The following LNX2 variants were observed in gnomAD, a reference collection of about 807,000 sequenced individuals.
LNX2 encodes the protein ligand of Numb protein X 2.
Under a neutral mutation model 66.2 loss-of-function variants are expected in LNX2, and 35 were observed. The ratio of observed to expected loss-of-function variants is 0.53; its 90% CI spans 0.40 to 0.70. The LOEUF (loss-of-function observed/expected upper bound fraction) is 0.70, where lower values mean the gene tolerates loss of function less well. LNX2 is among the 30% of genes least tolerant of loss of function. The pLI is 0.00. For synonymous variants in LNX2, 337 were observed against 315.6 expected (o/e 1.07, Z -0.72); for missense variants, 791 against 850.8 (o/e 0.93, Z 0.87).
intron 4 of LNX2, among the ~76,000 whole-genome samples, chr13:27,567,069 G>A (rs975115072): frequency 1.3e-5 from 2 of 152,026 alleles, no homozygotes; most frequent in African/African-American, 2.4e-5. Context: ...GGAGCGAAGG[G>A]GATTATTGAA....
Position 27,567,785 on chromosome 13 carries a change from T to C in LNX2, c.710A>G (p.His237Arg). ...TAACTGAATGTAAGGATTGGACCGA[T>C]GAATTTCAATCGTGGTGATTTCTCC... ...PEGEITTIEI[H>R]RSNPYIQLGI... Residue 237 changes from histidine to arginine, a missense_variant, in exon 4 of 10, where the codon CAT becomes CGT. His to Arg is a conservative substitution (Grantham distance 29). Coordinates refer to ENST00000316334, the MANE Select transcript of LNX2 (RefSeq NM_153371.4). 1.8e-5 allele frequency: 29 copies of C among 1,614,110 alleles called. No individual in the cohort carries two copies. The highest frequency in any genetic ancestry group is 2.4e-5 in the Non-Finnish European group (28 of 1,179,986).
At chr13:27,576,569 A>C (rs1955342429) in intron 2 of LNX2, among the ~76,000 whole-genome samples, 1 of 151,622 alleles carries the variant, frequency 6.6e-6, no homozygotes, top group African/African-American at 2.4e-5. Context: ...GCACAAAAAA[A>C]AAAAAAATTA....
chr13:27,557,313 A>C (rs935620514), intron 6 of LNX2, among the ~76,000 whole-genome samples: 3 of 152,068 alleles, frequency 2.0e-5, no homozygotes, highest in African/African-American at 7.2e-5. Context: ...GAGGTCATGT[A>C]ACTTGTCCTG....
At chr13:27,613,514 G>A (rs996550208) in intron 1 of LNX2, among the ~76,000 whole-genome samples, 1 of 152,222 alleles carries the variant, frequency 6.6e-6, no homozygotes, top group African/African-American at 2.4e-5. Flanking sequence ...GCTCATGCCT[G>A]TAATCCCAGC....
rs1334230572 is a variant in LNX2, at chr13:27,586,074, ATATATC to A, written c.-100-4277_-100-4272del. 6.7e-5 allele frequency among the ~76,000 whole-genome samples: 10 copies of A among 148,990 alleles called. No homozygotes were observed. In the Middle Eastern group the frequency reaches 0.011, roughly 160 times the overall value. ...TATACTTATATATATAAGGCAGTAC[ATATATC>A]TATATCTATATAATATCTAAGTTCA... On this transcript the variant is annotated intron_variant, in intron 1 of 9. Coordinates refer to ENST00000316334, the MANE Select transcript of LNX2 (RefSeq NM_153371.4).
chr13:27,570,964 G>A (rs1955272313), intron 2 of LNX2, among the ~76,000 whole-genome samples: 1 of 152,142 alleles, frequency 6.6e-6, no homozygotes, highest in African/African-American at 2.4e-5. Flanking sequence ...CTTTTAAAAG[G>A]AAAAGCTAAA....
chr13:27,593,775 A>G (rs1456143505), intron 1 of LNX2, among the ~76,000 whole-genome samples: 37 of 129,918 alleles, frequency 2.8e-4, no homozygotes, highest in Admixed American at 1.6e-3. Context: ...TTTTTTTTTT[A>G]AGTAGGGACA....
Position 27,581,314 on chromosome 13 carries a change from C to T in LNX2, c.390G>A (p.Glu130=). The T allele has an allele frequency of 1.3e-6, 2 of 1,483,476 alleles. No homozygotes were observed. The highest frequency in any genetic ancestry group is 1.8e-6 in the Non-Finnish European group (2 of 1,114,260). 91.9% of individuals were successfully genotyped at this position (1,483,476 alleles called of 1,614,324 possible). Residue 130 remains glutamate (E), a synonymous_variant, in exon 2 of 10, where the codon GAG becomes GAA. Transcript: ENST00000316334. ...TTGCTTACCTGTTTTTGAGATGTGCCTCCAGATCACAACGTTGCATTACAT... is the reference window on the plus strand; with the variant it reads ...TTGCTTACCTGTTTTTGAGATGTGCTTCCAGATCACAACGTTGCATTACAT... ...CKDVMQRCDL[E]AHLKNRCPGA...
Position 27,562,651 on chromosome 13 carries a change from T to C in LNX2, c.986A>G (p.Asp329Gly). The C allele has an allele frequency of 6.2e-7, 1 of 1,614,136 alleles. No individual in the cohort carries two copies. Among genetic ancestry groups the C allele is most frequent in the Non-Finnish European group, 8.5e-7 (1 of 1,180,020 alleles). ...RFGNRAHNHS[D>G]SNSPREEIFQ... ...AATCTCTTCTCGTGGAGAGTTACTATCAGAATGGTTGTGTGCTCGGTTGCC... is the reference window on the plus strand; with the variant it reads ...AATCTCTTCTCGTGGAGAGTTACTACCAGAATGGTTGTGTGCTCGGTTGCC... The change falls in exon 5 of 10, where the codon GAT becomes GGT. Residue 329 changes from aspartate (D) to glycine (G), a missense_variant. Coordinates refer to ENST00000316334, the MANE Select transcript of LNX2 (RefSeq NM_153371.4).
intron 1 of LNX2, among the ~76,000 whole-genome samples, chr13:27,583,261 C>CGCGCGCGCGTGT (rs11281345): frequency 4.4e-5 from 2 of 45,488 alleles, no homozygotes; most frequent in South Asian, 8.0e-4. Flanking sequence ...TGTGTGCGCG[C>CGCGCGCGCGTGT]GTCCTCTCCA....
chr13:27,551,667 T>C (rs896552953), intron 8 of LNX2, among the ~76,000 whole-genome samples: 1 of 152,160 alleles, frequency 6.6e-6, no homozygotes, highest in African/African-American at 2.4e-5. Flanking sequence ...TATTTCTTAA[T>C]AAAGCCAATT....
At chr13:27,584,276 G>A (rs1025146711) in intron 1 of LNX2, among the ~76,000 whole-genome samples, 4 of 151,880 alleles carry the variant, frequency 2.6e-5, no homozygotes, top group Admixed American at 6.6e-5. Context: ...CAGATGCAGA[G>A]GCTCACTGCT....
At chr13:27,568,251 C>T (rs906265366) in intron 3 of LNX2, among the ~76,000 whole-genome samples, 1 of 152,116 alleles carries the variant, frequency 6.6e-6, no homozygotes, top group Non-Finnish European at 1.5e-5. Context: ...ACATCAAGCT[C>T]GTAAGAAGAG....
At chr13:27,591,597 C>T (rs1054228694) in intron 1 of LNX2, among the ~76,000 whole-genome samples, 2 of 152,162 alleles carry the variant, frequency 1.3e-5, no homozygotes, top group Non-Finnish European at 2.9e-5. Context: ...CATTCTTTTT[C>T]CTGTCTGTTC....
At position 27,569,064 on chromosome 13, in the gene LNX2, T is replaced by C. The variant is rs779479256; in HGVS notation, c.620A>G (p.Asp207Gly). ...LSTWSEEPGL[D>G]NPAFEESAGA... ...AGCGCTCTCCTCAAAGGCAGGGTTGTCAAGGCCAGGCTCCTCACTCCATGT... is the reference window on the plus strand; with the variant it reads ...AGCGCTCTCCTCAAAGGCAGGGTTGCCAAGGCCAGGCTCCTCACTCCATGT... Residue 207 changes from aspartate (D) to glycine (G), a missense_variant, in exon 3 of 10, where the codon GAC becomes GGC. Coordinates refer to ENST00000316334, the MANE Select transcript of LNX2 (RefSeq NM_153371.4). 3 of 1,613,712 alleles carry C rather than the reference T, an allele frequency of 1.9e-6. No homozygotes were observed. The highest frequency in any genetic ancestry group is 2.5e-6 in the Non-Finnish European group (3 of 1,179,902).
chr13:27,578,053 GTTTT>G (rs1955359262), intron 2 of LNX2, among the ~76,000 whole-genome samples: 1 of 152,140 alleles, frequency 6.6e-6, no homozygotes, highest in Admixed American at 6.6e-5. Context: ...AAAAATAGCA[GTTTT>G]ATTTAAACAT....
chr13:27,603,900 C>T (rs1812831346), intron 1 of LNX2, among the ~76,000 whole-genome samples: 1 of 151,630 alleles, frequency 6.6e-6, no homozygotes, highest in South Asian at 2.1e-4. Flanking sequence ...CTTATTCATA[C>T]CACTCTGCAA....
chr13:27,593,976 T>C (rs1955571708), intron 1 of LNX2, among the ~76,000 whole-genome samples: 1 of 152,032 alleles, frequency 6.6e-6, no homozygotes, highest in Non-Finnish European at 1.5e-5. Context: ...ACTTCCTTTA[T>C]ACAAACCCCA....
chr13:27,598,550 T>A (rs1331048426), intron 1 of LNX2, among the ~76,000 whole-genome samples: 1 of 152,118 alleles, frequency 6.6e-6, no homozygotes. Flanking sequence ...TAGTGTCAAC[T>A]GGGATGGAGA....
Sources: gnomAD v4.1 joint callset for allele counts (sites outside exome capture counted in the v4.1 genomes callset) on GRCh38, gnomAD v4.1.1 for gene constraint, MANE v1.5 for transcripts, NCBI Gene and HGNC (gene_info 2026-07-23, HGNC 2026-07-21) for gene names.